KSR2: variants seen among roughly 807,000 people sequenced by gnomAD.
KSR2 encodes kinase suppressor of ras 2.
KSR2 carries 25 observed loss-of-function variants against 107.8 expected under a neutral mutation model. The observed-to-expected ratio is 0.23, with a 90% CI of 0.17 to 0.32. The LOEUF (loss-of-function observed/expected upper bound fraction) is 0.32, where lower values mean the gene tolerates loss of function less well. Ranked by LOEUF, KSR2 falls within the 10% of genes least tolerant of loss-of-function variation. KSR2 has a pLI of 1.00. For missense variants in KSR2, 887 were observed against 1,268.9 expected, an observed-to-expected ratio of 0.70 and a Z score of 4.57; for synonymous variants, 480 against 507.0, an observed-to-expected ratio of 0.95 and a Z score of 0.71.
intron 1 of KSR2, among the ~76,000 whole-genome samples, chr12:117,913,840 C>T (rs573688095): frequency 9.2e-5 from 14 of 152,098 alleles, no homozygotes; most frequent in African/African-American, 1.4e-4. Flanking sequence ...TACCTCTCCC[C>T]CAAGTTCTCC....
intron 3 of KSR2, among the ~76,000 whole-genome samples, chr12:117,823,894 G>A (rs1891648447): frequency 6.6e-6 from 1 of 152,182 alleles, no homozygotes; most frequent in Non-Finnish European, 1.5e-5. Context: ...CAATTCCACT[G>A]CTGGGTATAC....
chr12:117,796,615 T>C (rs4766874), intron 3 of KSR2, among the ~76,000 whole-genome samples: 87,973 of 151,936 alleles, frequency 0.58, 26,242 homozygotes, highest in East Asian at 0.77. Flanking sequence ...TTACCAGGCA[T>C]GTACCCTTGA....
chr12:117,600,985 T>C (rs1316553487), intron 5 of KSR2, among the ~76,000 whole-genome samples: 4 of 152,192 alleles, frequency 2.6e-5, no homozygotes, highest in Non-Finnish European at 5.9e-5. Context: ...TTGCCCCCTC[T>C]AAGACTGTTT....
chr12:117,932,310 A>C (rs1566087662), intron 1 of KSR2, among the ~76,000 whole-genome samples: 1 of 151,982 alleles, frequency 6.6e-6, no homozygotes, highest in African/African-American at 2.4e-5. Flanking sequence ...TAATTAATTA[A>C]ACCTATCTTA....
chr12:117,583,990 T>C (rs906052785), intron 5 of KSR2, among the ~76,000 whole-genome samples: 1 of 152,208 alleles, frequency 6.6e-6, no homozygotes, highest in Non-Finnish European at 1.5e-5. Context: ...ACCCCCAACC[T>C]ACTCGCTCCT....
intron 18 of KSR2, among the ~76,000 whole-genome samples, chr12:117,470,009 C>T (rs1430081291): frequency 6.6e-6 from 1 of 151,820 alleles, no homozygotes; most frequent in African/African-American, 2.4e-5. Flanking sequence ...TTCATCCATC[C>T]ATCCATCCAT....
chr12:117,489,361 G>A (rs1156350206), intron 14 of KSR2, among the ~76,000 whole-genome samples: 1 of 151,966 alleles, frequency 6.6e-6, no homozygotes, highest in African/African-American at 2.4e-5. Context: ...TGGGCAACAT[G>A]GCAAGACCCC....
At chr12:117,527,326 GACACACACAC>G (rs752222461) in intron 12 of KSR2, among the ~76,000 whole-genome samples, 2 of 71,542 alleles carry the variant, frequency 2.8e-5, no homozygotes, top group African/African-American at 5.5e-5. Context: ...CACACACACA[GACACACACAC>G]ACACACACAC....
chr12:117,939,944 AACACACACACACACACAC>A (rs10561468), intron 1 of KSR2, among the ~76,000 whole-genome samples: 27 of 140,066 alleles, frequency 1.9e-4, no homozygotes, highest in East Asian at 4.2e-4. Context: ...CCATCTTAAA[AACACACACACACACACAC>A]ACACACACAC....
At chr12:117,864,951 A>T (rs969154169) in intron 1 of KSR2, among the ~76,000 whole-genome samples, 1 of 152,168 alleles carries the variant, frequency 6.6e-6, no homozygotes, top group Non-Finnish European at 1.5e-5. Flanking sequence ...CGTTTGAAAG[A>T]CACCAAAAGC....
intron 14 of KSR2, among the ~76,000 whole-genome samples, chr12:117,489,941 G>A (rs946229082): frequency 3.3e-5 from 5 of 152,214 alleles, no homozygotes; most frequent in Admixed American, 1.3e-4. Flanking sequence ...AAAGCCACTC[G>A]CAGTGTGGGA....
intron 3 of KSR2, among the ~76,000 whole-genome samples, chr12:117,782,930 A>G (rs1454973315): frequency 1.3e-5 from 2 of 152,194 alleles, no homozygotes; most frequent in Non-Finnish European, 2.9e-5. Flanking sequence ...ACTACACATA[A>G]TAATCGCAAA....
At chr12:117,470,602 C>T (rs1871390641) in intron 18 of KSR2, among the ~76,000 whole-genome samples, 1 of 152,174 alleles carries the variant, frequency 6.6e-6, no homozygotes, top group African/African-American at 2.4e-5. Flanking sequence ...ACTATAAGAG[C>T]CCTTCAAAGT....
chr12:117,542,920 G>A (rs934734749), intron 9 of KSR2, among the ~76,000 whole-genome samples: 1 of 152,132 alleles, frequency 6.6e-6, no homozygotes, highest in Non-Finnish European at 1.5e-5. Flanking sequence ...GTTGTTGCAG[G>A]TATCGATAGT....
rs1893074143 is a variant in KSR2, at chr12:117,855,555, G to A, written c.345C>T (p.Ser115=). 1 of 1,614,028 alleles carries A rather than the reference G, an allele frequency of 6.2e-7. No individual in the cohort carries two copies. Among genetic ancestry groups the A allele is most frequent in the Non-Finnish European group, 8.5e-7 (1 of 1,179,898 alleles). The change falls in exon 3 of 20, where the codon AGC becomes AGT. Residue 115 remains serine (S), a synonymous_variant. Coordinates refer to ENST00000339824, the MANE Select transcript of KSR2 (RefSeq NM_173598.6). Reference sequence around the variant, plus strand: ...CCGTCATCTCCAAGAGGTCCTCCAGGCTCAGCTGGCCGGGGGAGATTTCCT... The same window carrying A: ...CCGTCATCTCCAAGAGGTCCTCCAGACTCAGCTGGCCGGGGGAGATTTCCT... ...VLEEISPGQL[S]LEDLLEMTDE...
At chr12:117,586,482 G>A (rs61603936) in intron 5 of KSR2, among the ~76,000 whole-genome samples, 1,937 of 151,508 alleles carry the variant, frequency 0.013, 37 homozygotes, top group African/African-American at 0.045. Flanking sequence ...AGCTACTCGG[G>A]ATGCTGAGGC....
chr12:117,915,971 C>T (rs1895158900), intron 1 of KSR2, among the ~76,000 whole-genome samples: 3 of 151,932 alleles, frequency 2.0e-5, no homozygotes, highest in African/African-American at 2.4e-5. Flanking sequence ...GCAAATCATT[C>T]TACTTCCATT....
intron 3 of KSR2, among the ~76,000 whole-genome samples, chr12:117,777,982 A>G (rs192232291): frequency 6.6e-6 from 1 of 152,300 alleles, no homozygotes; most frequent in Admixed American, 6.5e-5. Context: ...GCAGTAAGCC[A>G]TGATTGTGGT....
intron 1 of KSR2, among the ~76,000 whole-genome samples, chr12:117,937,973 A>G (rs1053076717): frequency 2.2e-5 from 3 of 138,698 alleles, no homozygotes; most frequent in African/African-American, 7.6e-5. Flanking sequence ...TGTCTCAAGA[A>G]AAAAAAAAAA....
Sources: allele counts gnomAD v4.1 joint callset (sites outside exome capture counted in the v4.1 genomes callset), GRCh38; gene constraint gnomAD v4.1.1; transcripts MANE v1.5; gene names NCBI Gene and HGNC (gene_info 2026-07-23, HGNC 2026-07-21).